Variants in PTPN14 observed in about 807,000 individuals in gnomAD.
The protein encoded by PTPN14 is tyrosine-protein phosphatase non-receptor type 14.
In PTPN14, 53 loss-of-function variants were observed where a neutral mutation model predicts 126.8. That is an observed-to-expected ratio of 0.42 (90% CI 0.34 to 0.53). PTPN14 has a LOEUF of 0.53. Ranked by LOEUF, PTPN14 falls within the 20% of genes least tolerant of loss-of-function variation. PTPN14 has a pLI of 0.08. For missense variants in PTPN14, 1,257 were observed against 1,552.9 expected (o/e 0.81, Z 3.20); for synonymous variants, 630 against 599.3 (o/e 1.05, Z -0.75).
rs763703182 is a variant in PTPN14, at chr1:214,402,837, T to C, written c.581+46A>G. 4.5e-5 allele frequency: 72 copies of C among 1,594,278 alleles called. 1 individual carries two copies. Among genetic ancestry groups the C allele is most frequent in the South Asian group, 7.7e-5 (7 of 90,532 alleles). Reference sequence around the variant, plus strand: ...TGGATGCCTCCTGCCCCATGGGCTGTAAACATCTGTTGTGCAGGCAGCCCC... The same window carrying C: ...TGGATGCCTCCTGCCCCATGGGCTGCAAACATCTGTTGTGCAGGCAGCCCC... On this transcript the variant is annotated intron_variant, in intron 6 of 18. Coordinates refer to ENST00000366956, the MANE Select transcript of PTPN14 (RefSeq NM_005401.5).
chr1:214,480,323 T>C (rs61819639), intron 1 of PTPN14, among the ~76,000 whole-genome samples: 4,666 of 152,360 alleles, frequency 0.031, 104 homozygotes, highest in Middle Eastern at 0.065. Flanking sequence ...ATATGTTTTC[T>C]TAACCACTTC....
rs71165974 is a variant in PTPN14 at position 214,465,951 on chromosome 1, CT to C, written c.-154-995del. Among the ~76,000 whole-genome samples, 352 of 59,008 alleles carry C rather than the reference CT, an allele frequency of 6.0e-3. 9 individuals are homozygous for C. The highest frequency in any genetic ancestry group is 0.019 in the African/African-American group (280 of 14,430). The allele number at this position is 59,008 out of a possible 152,430, so 38.7% of individuals were successfully genotyped here. On this transcript the variant is annotated intron_variant, in intron 1 of 18. Coordinates refer to ENST00000366956, the MANE Select transcript of PTPN14 (RefSeq NM_005401.5). Reference sequence around the variant, plus strand: ...TGCATTTAATATAATCAGTTACTTCCTTTTTTTTTTTTTTTTTTTTGTGAAG... The same window carrying C: ...TGCATTTAATATAATCAGTTACTTCCTTTTTTTTTTTTTTTTTTTGTGAAG...
At chr1:214,452,027 G>T in intron 2 of PTPN14, 53 bp from the exon 3 acceptor site, 1 of 1,553,048 alleles carries the variant, frequency 6.4e-7, no homozygotes. Flanking sequence ...AGCATCCCAA[G>T]GCCACACAAG....
chr1:214,372,825 C>T lies in PTPN14; in HGVS notation c.2922G>A (p.Gly974=), dbSNP rs1418773582. ...GGGTGGCTATGTAGTGCCATTCTGC[C>T]CCGCCAACCACCACCTAAAAACCAA... is the stretch of plus-strand genomic sequence containing the variant. The part of the protein sequence containing the change: ...NASHIKVVVG[G]AEWHYIATQG... Residue 974 remains glycine, a synonymous_variant, in exon 16 of 19, where the codon GGG becomes GGA. Transcript: ENST00000366956. 10 of 1,613,960 alleles carry T rather than the reference C, an allele frequency of 6.2e-6. No homozygotes were observed. The highest frequency in any genetic ancestry group is 8.5e-6 in the Non-Finnish European group (10 of 1,180,016).
intron 2 of PTPN14, among the ~76,000 whole-genome samples, chr1:214,461,566 G>A (rs1423125231): frequency 6.6e-6 from 1 of 151,950 alleles, no homozygotes; most frequent in African/African-American, 2.4e-5. Context: ...GGAGGTTGAG[G>A]CTGTAGTGAG....
chr1:214,496,083 T>C (rs1654489462), intron 1 of PTPN14, among the ~76,000 whole-genome samples: 1 of 152,204 alleles, frequency 6.6e-6, no homozygotes, highest in Non-Finnish European at 1.5e-5. Context: ...CTCCTGGCAT[T>C]CTTGGTCCTG....
intron 3 of PTPN14, among the ~76,000 whole-genome samples, chr1:214,448,139 T>C (rs1276823673): frequency 2.6e-5 from 4 of 152,230 alleles, no homozygotes. Context: ...GTTTACTTCC[T>C]TGGAAAATCT....
chr1:214,393,807 A>C, intron 9 of PTPN14, 30 bp from the exon 10 acceptor site: 1 of 1,504,388 alleles, frequency 6.6e-7, no homozygotes, highest in Non-Finnish European at 9.3e-7. Flanking sequence ...AGAAAAAAAT[A>C]AACATTTGTT....
chr1:214,387,143 G>C (rs1489168184), intron 11 of PTPN14, among the ~76,000 whole-genome samples: 1 of 152,174 alleles, frequency 6.6e-6, no homozygotes, highest in Non-Finnish European at 1.5e-5. Context: ...AAATGAAGTT[G>C]GTTCAAGATC....
At chr1:214,382,424 C>T (rs921835036) in intron 13 of PTPN14, among the ~76,000 whole-genome samples, 7 of 152,156 alleles carry the variant, frequency 4.6e-5, no homozygotes, top group East Asian at 3.9e-4. Context: ...TGGGCTCAAG[C>T]GATCCTCCCA....
rs957346277 is a variant in PTPN14, at chr1:214,357,582, C to G, written c.*340G>C. ...GCTGCAACTTCACAAGAGATGTGCT[C>G]CCTCATGCCTCTGTCCTCAAAATGA... On this transcript the variant is annotated 3_prime_UTR_variant, in exon 19 of 19. Transcript: ENST00000366956. The G allele has an allele frequency of 1.2e-5, 2 of 162,172 alleles. No homozygotes were observed. The highest frequency in any genetic ancestry group is 6.4e-5 in the Admixed American group (1 of 15,658). The allele number at this position is 162,172 out of a possible 1,614,324, so 10.0% of individuals were successfully genotyped here.
rs1657775087 is a variant in PTPN14, at chr1:214,354,665, T to C, written c.*3257A>G. 1 of 152,248 alleles carries C rather than the reference T, an allele frequency of 6.6e-6. No homozygotes were observed. The highest frequency in any genetic ancestry group is 6.5e-5 in the Admixed American group (1 of 15,286). The allele number at this position is 152,248 out of a possible 1,614,324, so 9.4% of individuals were successfully genotyped here. On this transcript the variant is annotated 3_prime_UTR_variant, in exon 19 of 19. Coordinates refer to ENST00000366956, the MANE Select transcript of PTPN14 (RefSeq NM_005401.5). Reference sequence around the variant, plus strand: ...CAAGGATGAATACCTCGGGTCAATGTATCCAAATGAGTGTGGATGAAAGAA... The same window carrying C: ...CAAGGATGAATACCTCGGGTCAATGCATCCAAATGAGTGTGGATGAAAGAA...
intron 1 of PTPN14, among the ~76,000 whole-genome samples, chr1:214,494,076 T>A (rs1661307156): frequency 6.6e-6 from 1 of 151,942 alleles, no homozygotes; most frequent in Non-Finnish European, 1.5e-5. Context: ...TTCTTTCTCT[T>A]TTTTTTTCTT....
intron 1 of PTPN14, among the ~76,000 whole-genome samples, chr1:214,474,285 G>A (rs17790562): frequency 0.09 from 13,698 of 152,178 alleles, 626 homozygotes; most frequent in South Asian, 0.12. Flanking sequence ...GAGCAGTTGA[G>A]TATCACCAAA....
intron 3 of PTPN14, among the ~76,000 whole-genome samples, chr1:214,417,543 G>A (rs1314514254): frequency 6.6e-6 from 1 of 152,138 alleles, no homozygotes; most frequent in Non-Finnish European, 1.5e-5. Flanking sequence ...TTTTGACAGA[G>A]TATCAAAGGA....
At chr1:214,378,795 T>C (rs997678442) in intron 13 of PTPN14, among the ~76,000 whole-genome samples, 2 of 152,168 alleles carry the variant, frequency 1.3e-5, no homozygotes, top group African/African-American at 4.8e-5. Context: ...GGGCCCACAG[T>C]AACAGAGACG....
chr1:214,549,400 T>TAA (rs1656049502), intron 1 of PTPN14, among the ~76,000 whole-genome samples: 1 of 152,222 alleles, frequency 6.6e-6, no homozygotes, highest in Non-Finnish European at 1.5e-5. Context: ...ACAACTGTGC[T>TAA]AAAGCAATAG....
chr1:214,438,845 A>C (rs1175578081), intron 3 of PTPN14, among the ~76,000 whole-genome samples: 1 of 152,186 alleles, frequency 6.6e-6, no homozygotes, highest in Non-Finnish European at 1.5e-5. Context: ...TTTTCATTTA[A>C]AAAAAACAAA....
intron 3 of PTPN14, among the ~76,000 whole-genome samples, chr1:214,434,398 C>T (rs902543274): frequency 9.9e-5 from 15 of 151,914 alleles, no homozygotes; most frequent in African/African-American, 3.6e-4. Flanking sequence ...CCTCTGGTAA[C>T]CTTCAAGAGG....
Sources: gnomAD v4.1 joint callset for allele counts (sites outside exome capture counted in the v4.1 genomes callset) on GRCh38, gnomAD v4.1.1 for gene constraint, MANE v1.5 for transcripts, NCBI Gene and HGNC (gene_info 2026-07-23, HGNC 2026-07-21) for gene names.